The following COL5A2 variants were observed in gnomAD, a reference collection of about 807,000 sequenced individuals.
COL5A2 encodes collagen alpha-2(V) chain.
In COL5A2, 23 loss-of-function variants were observed where a neutral mutation model predicts 208.2. The observed-to-expected ratio is 0.11, with a 90% CI of 0.08 to 0.16. The LOEUF (loss-of-function observed/expected upper bound fraction) is 0.16, where lower values mean the gene tolerates loss of function less well. Among genes scored for constraint, COL5A2 ranks in the 10% least tolerant of loss-of-function variants. The pLI is 1.00. For synonymous variants in COL5A2, 625 were observed against 628.5 expected, an observed-to-expected ratio of 0.99 and a Z score of 0.08; for missense variants, 1,590 against 1,956.4, an observed-to-expected ratio of 0.81 and a Z score of 3.53.
At chr2:189,198,348 T>C (rs1472919001) in intron 1 of COL5A2, among the ~76,000 whole-genome samples, 1 of 152,184 alleles carries the variant, frequency 6.6e-6, no homozygotes, top group Non-Finnish European at 1.5e-5. Context: ...TGGAGTAAAG[T>C]GGGATCTCTT....
chr2:189,424,419 T>A, the COL5A2 span, among the ~76,000 whole-genome samples: 1 of 152,148 alleles, frequency 6.6e-6, no homozygotes, highest in Non-Finnish European at 1.5e-5. Flanking sequence ...CTTTATGTAC[T>A]TTTTTTAAAA....
At chr2:189,367,038 T>C in the COL5A2 span, among the ~76,000 whole-genome samples, 1 of 152,168 alleles carries the variant, frequency 6.6e-6, no homozygotes, top group African/African-American at 2.4e-5. Context: ...ATCTAGCGCA[T>C]AGGAAAACAA....
chr2:189,321,078 T>G, the COL5A2 span, among the ~76,000 whole-genome samples: 1 of 152,072 alleles, frequency 6.6e-6, no homozygotes, highest in Non-Finnish European at 1.5e-5. Flanking sequence ...GCTTCATAAG[T>G]GAAGGAGAAA....
At chr2:189,262,756 T>G in the COL5A2 span, among the ~76,000 whole-genome samples, 1 of 152,074 alleles carries the variant, frequency 6.6e-6, no homozygotes, top group South Asian at 2.1e-4. Flanking sequence ...TAAAATAAAA[T>G]AAGTATTTCA....
chr2:189,064,120 G>A, intron 25 of COL5A2, 87 bp from the exon 26 acceptor site: 1 of 1,019,430 alleles, frequency 9.8e-7, no homozygotes, highest in East Asian at 2.5e-5. Flanking sequence ...TTGCATTTTT[G>A]TCAACTGAAT....
At chr2:189,107,274 T>C (rs1051532967) in intron 2 of COL5A2, among the ~76,000 whole-genome samples, 4 of 151,734 alleles carry the variant, frequency 2.6e-5, no homozygotes, top group African/African-American at 9.6e-5. Context: ...TCTAAGATTT[T>C]CTGTTTCTAC....
chr2:189,080,931 C>T (rs1686519888), intron 13 of COL5A2, 59 bp downstream of exon 13: 1 of 1,374,422 alleles, frequency 7.3e-7, no homozygotes, highest in Non-Finnish European at 1.0e-6. Context: ...AGGTAAATCT[C>T]CCCAGAGCCT....
intron 35 of COL5A2, among the ~76,000 whole-genome samples, chr2:189,055,741 T>A (rs889472222): frequency 6.6e-6 from 1 of 152,248 alleles, no homozygotes; most frequent in Non-Finnish European, 1.5e-5. Flanking sequence ...AACAATGTAG[T>A]GTCCTCATTA....
At chr2:189,318,944 A>T in the COL5A2 span, among the ~76,000 whole-genome samples, 2 of 152,164 alleles carry the variant, frequency 1.3e-5, no homozygotes, top group Non-Finnish European at 2.9e-5. Context: ...GTTTATTATC[A>T]TTATACATCT....
chr2:189,278,681 T>G, the COL5A2 span, among the ~76,000 whole-genome samples: 1 of 151,978 alleles, frequency 6.6e-6, no homozygotes, highest in Non-Finnish European at 1.5e-5. Flanking sequence ...TCTTGAAATA[T>G]TTTTATTTCT....
chr2:189,415,104 G>A, the COL5A2 span, among the ~76,000 whole-genome samples: 4 of 151,930 alleles, frequency 2.6e-5, no homozygotes, highest in East Asian at 3.9e-4. Flanking sequence ...ATTTTCCATC[G>A]TCTTTGTGCT....
intron 3 of COL5A2, among the ~76,000 whole-genome samples, chr2:189,101,715 T>G (rs1687049431): frequency 6.6e-6 from 1 of 151,990 alleles, no homozygotes; most frequent in South Asian, 2.1e-4. Flanking sequence ...TAATAATAAC[T>G]CAGTCACAGT....
the COL5A2 span, among the ~76,000 whole-genome samples, chr2:189,417,162 T>C: frequency 6.6e-6 from 1 of 152,290 alleles, no homozygotes; most frequent in East Asian, 1.9e-4. Flanking sequence ...GTTTTGATGT[T>C]GCGATTACTT....
At chr2:189,351,570 C>T in the COL5A2 span, among the ~76,000 whole-genome samples, 2 of 152,106 alleles carry the variant, frequency 1.3e-5, no homozygotes, top group South Asian at 2.1e-4. Context: ...AATAAACAGT[C>T]AATACTTACA....
chr2:189,435,368 C>A, the COL5A2 span, among the ~76,000 whole-genome samples: 8 of 152,112 alleles, frequency 5.3e-5, no homozygotes, highest in Non-Finnish European at 1.2e-4. Flanking sequence ...GCAAAAGAAA[C>A]GACCATCAGA....
the COL5A2 span, among the ~76,000 whole-genome samples, chr2:189,363,073 C>A: frequency 6.6e-6 from 1 of 151,898 alleles, no homozygotes; most frequent in Admixed American, 6.6e-5. Context: ...AAATAGTAGT[C>A]AAAATAAATA....
At chr2:189,148,813 C>T (rs541277651) in intron 1 of COL5A2, among the ~76,000 whole-genome samples, 2 of 152,258 alleles carry the variant, frequency 1.3e-5, no homozygotes, top group African/African-American at 4.8e-5. Context: ...GGTCATTAAG[C>T]TCATTTTAAT....
chr2:189,274,367 C>T, the COL5A2 span, among the ~76,000 whole-genome samples: 1 of 152,146 alleles, frequency 6.6e-6, no homozygotes, highest in Non-Finnish European at 1.5e-5. Flanking sequence ...GAGGGGGTCA[C>T]ATCACACAAC....
chr2:189,081,485 C>T (rs545696536), intron 12 of COL5A2, among the ~76,000 whole-genome samples: 8 of 152,096 alleles, frequency 5.3e-5, no homozygotes, highest in South Asian at 2.1e-4. Flanking sequence ...TTATGGTACA[C>T]GATTAAATGT....
Sources: allele counts gnomAD v4.1 joint callset (sites outside exome capture counted in the v4.1 genomes callset), GRCh38; gene constraint gnomAD v4.1.1; transcripts MANE v1.5; gene names NCBI Gene and HGNC (gene_info 2026-07-23, HGNC 2026-07-21).